The following OXR1 variants were observed in gnomAD, a reference collection of about 807,000 sequenced individuals.
OXR1 encodes the protein oxidation resistance 1.
A neutral mutation model predicts 104.6 loss-of-function variants in OXR1; 41 were observed. The observed-to-expected ratio is 0.39, with a 90% CI of 0.31 to 0.51. The LOEUF (loss-of-function observed/expected upper bound fraction) is 0.51, where lower values mean the gene tolerates loss of function less well. Ranked by LOEUF, OXR1 falls within the 20% of genes least tolerant of loss-of-function variation. OXR1 has a pLI of 0.77. For missense variants in OXR1, 955 were observed against 1,031.9 expected (o/e 0.93, Z 1.02); for synonymous variants, 348 against 348.4 (o/e 1.00, Z 0.01).
chr8:106,694,473 T>TTA (rs1313735842), intron 7 of OXR1, among the ~76,000 whole-genome samples: 10 of 120,064 alleles, frequency 8.3e-5, no homozygotes, highest in South Asian at 2.3e-4. Context: ...ATAAATATAT[T>TTA]TATATATATA....
At chr8:106,405,547 G>T (rs906525706) in intron 2 of OXR1, among the ~76,000 whole-genome samples, 5 of 152,086 alleles carry the variant, frequency 3.3e-5, no homozygotes, top group African/African-American at 7.2e-5. Flanking sequence ...ATAACTTTGT[G>T]CAAGTTCAGA....
chr8:106,539,723 GA>G (rs1276512760), intron 3 of OXR1, among the ~76,000 whole-genome samples: 1 of 152,160 alleles, frequency 6.6e-6, no homozygotes, highest in African/African-American at 2.4e-5. Flanking sequence ...CATTTAGAAA[GA>G]AAGAGAAATG....
At chr8:106,703,970 G>C (rs1830843283) in intron 8 of OXR1, among the ~76,000 whole-genome samples, 1 of 152,092 alleles carries the variant, frequency 6.6e-6, no homozygotes, top group East Asian at 1.9e-4. Flanking sequence ...TAACCCTTGT[G>C]GGGCAGAGCA....
chr8:106,562,829 G>T (rs776917665), intron 3 of OXR1, among the ~76,000 whole-genome samples: 2 of 152,124 alleles, frequency 1.3e-5, no homozygotes, highest in Non-Finnish European at 2.9e-5. Context: ...CATTCTTAAA[G>T]AAAAGAATTT....
At chr8:106,287,763 A>G (rs1812560975) in intron 1 of OXR1, among the ~76,000 whole-genome samples, 1 of 152,232 alleles carries the variant, frequency 6.6e-6, no homozygotes, top group African/African-American at 2.4e-5. Context: ...GTGACAATAA[A>G]AAGTTCTGAC....
intron 2 of OXR1, among the ~76,000 whole-genome samples, chr8:106,379,079 A>C (rs1251517889): frequency 6.6e-6 from 1 of 152,180 alleles, no homozygotes; most frequent in African/African-American, 2.4e-5. Context: ...TTAGTATAGC[A>C]TAAGGAGCTC....
chr8:106,607,956 G>A (rs555412067), intron 3 of OXR1, among the ~76,000 whole-genome samples: 8 of 151,964 alleles, frequency 5.3e-5, no homozygotes, highest in East Asian at 1.9e-4. Context: ...CATTAGACCC[G>A]TCATTTGACT....
chr8:106,617,877 C>T (rs943598766), intron 3 of OXR1: 6 of 215,732 alleles, frequency 2.8e-5, no homozygotes, highest in South Asian at 1.7e-4. Context: ...AACTTAGTAA[C>T]GTATCATACA....
chr8:106,577,441 G>A (rs563256725), intron 3 of OXR1, among the ~76,000 whole-genome samples: 59 of 134,224 alleles, frequency 4.4e-4, no homozygotes, highest in Non-Finnish European at 7.7e-5. Flanking sequence ...CCAGGCTGGA[G>A]TGCAGTGGCA....
intron 3 of OXR1, among the ~76,000 whole-genome samples, chr8:106,668,633 G>C (rs940320227): frequency 6.6e-6 from 1 of 152,188 alleles, no homozygotes; most frequent in Non-Finnish European, 1.5e-5. Flanking sequence ...AGTTGGCCAT[G>C]TCTGACATCA....
intron 6 of OXR1, among the ~76,000 whole-genome samples, chr8:106,685,696 T>TG (rs797019841): frequency 1.5e-5 from 2 of 135,948 alleles, no homozygotes; most frequent in African/African-American, 5.4e-5. Context: ...TGGGATAGAT[T>TG]AAAAAAAAAA....
chr8:106,331,319 A>G (rs1214531656), intron 1 of OXR1, among the ~76,000 whole-genome samples: 5 of 152,224 alleles, frequency 3.3e-5, no homozygotes. Flanking sequence ...TCATTAGTTG[A>G]TTAAAATGAA....
chr8:106,392,241 T>C (rs1817612666), intron 2 of OXR1, among the ~76,000 whole-genome samples: 1 of 152,158 alleles, frequency 6.6e-6, no homozygotes, highest in African/African-American at 2.4e-5. Context: ...CCCACATATG[T>C]GTTTGCTTTG....
intron 3 of OXR1, among the ~76,000 whole-genome samples, chr8:106,664,038 G>A (rs1402538227): frequency 6.6e-6 from 1 of 152,216 alleles, no homozygotes; most frequent in Non-Finnish European, 1.5e-5. Context: ...AGCCGGATGG[G>A]AGGAAGAGAA....
chr8:106,569,321 A>G (rs756406567), intron 3 of OXR1, among the ~76,000 whole-genome samples: 2 of 152,110 alleles, frequency 1.3e-5, no homozygotes, highest in African/African-American at 2.4e-5. Flanking sequence ...CAAGTAATCT[A>G]CTCACAATTT....
intron 2 of OXR1, among the ~76,000 whole-genome samples, chr8:106,505,232 A>G (rs1230039914): frequency 6.6e-6 from 1 of 152,216 alleles, no homozygotes; most frequent in Non-Finnish European, 1.5e-5. Flanking sequence ...GAGAAAATAA[A>G]CATAACCACA....
intron 3 of OXR1, among the ~76,000 whole-genome samples, chr8:106,521,211 C>T (rs138486582): frequency 6.6e-6 from 1 of 152,270 alleles, no homozygotes; most frequent in African/African-American, 2.4e-5. Context: ...AAATGTACTT[C>T]TATGTCTCTT....
intron 3 of OXR1, among the ~76,000 whole-genome samples, chr8:106,596,103 T>A (rs1307882600): frequency 6.6e-6 from 1 of 152,110 alleles, no homozygotes; most frequent in African/African-American, 2.4e-5. Flanking sequence ...ATTGAGCACC[T>A]ACTAATACCA....
intron 2 of OXR1, among the ~76,000 whole-genome samples, chr8:106,368,764 G>A (rs117505895): frequency 0.076 from 11,571 of 152,236 alleles, 554 homozygotes; most frequent in Middle Eastern, 0.13. Context: ...GTATTCCGTG[G>A]TGTATATGTA....
Sources: allele counts gnomAD v4.1 joint callset (sites outside exome capture counted in the v4.1 genomes callset), GRCh38; gene constraint gnomAD v4.1.1; transcripts MANE v1.5; gene names NCBI Gene and HGNC (gene_info 2026-07-23, HGNC 2026-07-21).